PACRG: variants seen among roughly 807,000 people sequenced by gnomAD.
The protein encoded by PACRG is parkin coregulated gene protein.
A neutral mutation model predicts 29.7 loss-of-function variants in PACRG; 29 were observed. The ratio of observed to expected loss-of-function variants is 0.98; its 90% CI spans 0.73 to 1.33. PACRG has a LOEUF of 1.33. Ranked by LOEUF, PACRG falls within the 40% of genes most tolerant of loss-of-function variation. PACRG has a pLI of 0.00. For missense variants in PACRG, 279 were observed against 316.2 expected, an observed-to-expected ratio of 0.88 and a Z score of 0.89; for synonymous variants, 116 against 118.7, an observed-to-expected ratio of 0.98 and a Z score of 0.15.
At chr6:162,762,101 A>G (rs759934824) in intron 1 of PACRG, among the ~76,000 whole-genome samples, 6 of 152,122 alleles carry the variant, frequency 3.9e-5, no homozygotes, top group Non-Finnish European at 5.9e-5. Context: ...ACCATCCTTG[A>G]TGACATTAAC....
intron 2 of PACRG, among the ~76,000 whole-genome samples, chr6:162,941,031 T>C (rs9365512): frequency 0.44 from 63,810 of 146,412 alleles, 14,122 homozygotes; most frequent in East Asian, 0.52. Context: ...TGTGTTTGTA[T>C]ATGTGTGTGT....
At chr6:162,876,181 A>G (rs1411039043) in intron 2 of PACRG, among the ~76,000 whole-genome samples, 2 of 152,188 alleles carry the variant, frequency 1.3e-5, no homozygotes, top group East Asian at 1.9e-4. Context: ...AAAGAAAGCA[A>G]TGACAAGTGG....
rs1436951898 is a variant in PACRG at position 163,299,750 on chromosome 6, G to A, written c.614-15077G>A. Among the ~76,000 whole-genome samples the A allele has an allele frequency of 9.2e-5, 14 of 152,234 alleles. 1 individual carries two copies. The highest frequency in any genetic ancestry group is 4.2e-4 in the South Asian group (2 of 4,810). On this transcript the variant is annotated intron_variant, in intron 4 of 4. Transcript: ENST00000366888. ...AAAAATTAGCTGGGCATGGGGGCGCGTGCCTGTAGTCCCAGCTACTCAGGA... is the reference window on the plus strand; with the variant it reads ...AAAAATTAGCTGGGCATGGGGGCGCATGCCTGTAGTCCCAGCTACTCAGGA...
At chr6:163,253,060 G>T (rs1782969914) in intron 4 of PACRG, among the ~76,000 whole-genome samples, 1 of 152,146 alleles carries the variant, frequency 6.6e-6, no homozygotes, top group East Asian at 1.9e-4. Context: ...ACTTTGGGAG[G>T]CTGAGGCAGG....
intron 4 of PACRG, among the ~76,000 whole-genome samples, chr6:163,129,572 A>T (rs1450577697): frequency 1.3e-5 from 2 of 152,332 alleles, no homozygotes; most frequent in East Asian, 3.9e-4. Context: ...TTATGATTAG[A>T]GGTGACACAG....
At chr6:163,185,734 T>A (rs1325836430) in intron 4 of PACRG, among the ~76,000 whole-genome samples, 1 of 152,174 alleles carries the variant, frequency 6.6e-6, no homozygotes, top group East Asian at 1.9e-4. Context: ...CACAGGGGCA[T>A]AATTGAAGGC....
intron 4 of PACRG, 28 bp from the exon 5 acceptor site, chr6:163,314,799 G>C: frequency 6.2e-7 from 1 of 1,607,890 alleles, no homozygotes; most frequent in Non-Finnish European, 8.5e-7. Flanking sequence ...AGAAGTAACT[G>C]GCCTCTTTGT....
chr6:163,116,700 G>T (rs1263954980), intron 4 of PACRG, among the ~76,000 whole-genome samples: 1 of 152,142 alleles, frequency 6.6e-6, no homozygotes, highest in East Asian at 1.9e-4. Context: ...ATTCTCAAGG[G>T]TTTGCACCAG....
chr6:163,011,118 G>A (rs953451351), intron 2 of PACRG, among the ~76,000 whole-genome samples: 2 of 152,142 alleles, frequency 1.3e-5, no homozygotes, highest in African/African-American at 4.8e-5. Context: ...AGGAAGAAAA[G>A]GGGCTGGGAG....
chr6:163,184,516 A>G (rs984065148), intron 4 of PACRG, among the ~76,000 whole-genome samples: 3 of 152,220 alleles, frequency 2.0e-5, no homozygotes, highest in Admixed American at 1.3e-4. Context: ...TATTTATTCC[A>G]TTTCACTAAG....
intron 2 of PACRG, among the ~76,000 whole-genome samples, chr6:163,014,735 G>C (rs138949518): frequency 7.4e-4 from 113 of 152,014 alleles, no homozygotes; most frequent in Non-Finnish European, 1.4e-3. Flanking sequence ...TTCGTTATAG[G>C]TTCTAAATAG....
chr6:163,199,422 G>A (rs1780604567), intron 4 of PACRG, among the ~76,000 whole-genome samples: 1 of 152,182 alleles, frequency 6.6e-6, no homozygotes, highest in African/African-American at 2.4e-5. Flanking sequence ...AGTGCTTTGT[G>A]TCTATTCATT....
intron 4 of PACRG, among the ~76,000 whole-genome samples, chr6:163,221,574 A>G (rs1037651874): frequency 5.9e-5 from 9 of 152,270 alleles, no homozygotes; most frequent in African/African-American, 2.2e-4. Context: ...CCTGATTATC[A>G]GAAAGGAGGG....
At chr6:163,148,739 G>C (rs1777910147) in intron 4 of PACRG, among the ~76,000 whole-genome samples, 1 of 152,030 alleles carries the variant, frequency 6.6e-6, no homozygotes, top group South Asian at 2.1e-4. Context: ...GCATGAGATG[G>C]AGCATGCGAG....
intron 4 of PACRG, among the ~76,000 whole-genome samples, chr6:163,220,268 A>G (rs755959383): frequency 6.6e-6 from 1 of 152,174 alleles, no homozygotes; most frequent in Non-Finnish European, 1.5e-5. Context: ...AATTATGCTC[A>G]TGCTCACAAA....
intron 4 of PACRG, among the ~76,000 whole-genome samples, chr6:163,290,323 C>CACACACACAG (rs796997363): frequency 7.7e-4 from 115 of 148,892 alleles, no homozygotes; most frequent in East Asian, 3.2e-3. Context: ...CACACACACA[C>CACACACACAG]AGCAATCACT....
chr6:162,972,520 A>G (rs1801619825), intron 2 of PACRG, among the ~76,000 whole-genome samples: 1 of 152,152 alleles, frequency 6.6e-6, no homozygotes, highest in Non-Finnish European at 1.5e-5. Flanking sequence ...TTGCAACCAC[A>G]TTGACCGAGC....
At chr6:163,138,177 T>C (rs1817013538) in intron 4 of PACRG, among the ~76,000 whole-genome samples, 1 of 152,256 alleles carries the variant, frequency 6.6e-6, no homozygotes, top group Non-Finnish European at 1.5e-5. Context: ...TTACACATTG[T>C]GATACTTACC....
At chr6:162,921,253 T>A (rs1797043126) in intron 2 of PACRG, among the ~76,000 whole-genome samples, 1 of 152,104 alleles carries the variant, frequency 6.6e-6, no homozygotes, top group African/African-American at 2.4e-5. Flanking sequence ...TCCTGCACAA[T>A]CTCATCTCCT....
Sources: gnomAD v4.1 joint callset for allele counts (sites outside exome capture counted in the v4.1 genomes callset) on GRCh38, gnomAD v4.1.1 for gene constraint, MANE v1.5 for transcripts, NCBI Gene and HGNC (gene_info 2026-07-23, HGNC 2026-07-21) for gene names.